The following GLIS3 variants were observed in gnomAD, a reference collection of about 807,000 sequenced individuals.
GLIS3 encodes zinc finger protein GLIS3.
GLIS3 carries 53 observed loss-of-function variants against 78.6 expected under a neutral mutation model. The observed-to-expected ratio is 0.67, with a 90% CI of 0.54 to 0.85. The LOEUF is 0.85. GLIS3 is among the 40% of genes least tolerant of loss of function. The probability of loss-of-function intolerance (pLI) is 0.00; values close to 1 mark genes in which losing one functional copy is unlikely to be tolerated. For synonymous variants in GLIS3, 684 were observed against 509.9 expected (o/e 1.34, Z -4.60); for missense variants, 1,703 against 1,231.1 (o/e 1.38, Z -5.74).
At chr9:4,026,966 C>G (rs1563961966) in intron 4 of GLIS3, among the ~76,000 whole-genome samples, 1 of 152,146 alleles carries the variant, frequency 6.6e-6, no homozygotes. Context: ...CTGTCTGACA[C>G]TAAATTCCAT....
At chr9:4,340,200 C>T (rs1238739361) in intron 2 of GLIS3, among the ~76,000 whole-genome samples, 1 of 150,618 alleles carries the variant, frequency 6.6e-6, no homozygotes, top group Admixed American at 6.6e-5. Context: ...TTAATTACCA[C>T]AGGGGAACAG....
At chr9:4,198,770 C>T (rs1347991141) in intron 2 of GLIS3, among the ~76,000 whole-genome samples, 2 of 152,058 alleles carry the variant, frequency 1.3e-5, no homozygotes, top group African/African-American at 2.4e-5. Flanking sequence ...ACCAGACTGT[C>T]CAAGGTCAAT....
chr9:4,366,786 A>G, the GLIS3 span, among the ~76,000 whole-genome samples: 3 of 152,172 alleles, frequency 2.0e-5, no homozygotes, highest in Admixed American at 2.0e-4. Context: ...GAATTTACCA[A>G]CCACCAACTG....
intron 4 of GLIS3, among the ~76,000 whole-genome samples, chr9:4,059,825 T>A (rs1200146965): frequency 3.0e-3 from 361 of 120,246 alleles, no homozygotes; most frequent in African/African-American, 0.011. Context: ...TGTGTGTGTG[T>A]GTGTGAGAGA....
At chr9:4,124,095 C>A (rs1005004194) in intron 3 of GLIS3, among the ~76,000 whole-genome samples, 1 of 152,062 alleles carries the variant, frequency 6.6e-6, no homozygotes, top group Non-Finnish European at 1.5e-5. Context: ...AATACACAAA[C>A]CAAGGCTCAC....
intron 3 of GLIS3, among the ~76,000 whole-genome samples, chr9:4,120,623 C>A (rs1038861461): frequency 6.6e-6 from 1 of 152,180 alleles, no homozygotes; most frequent in African/African-American, 2.4e-5. Flanking sequence ...TGCTTTCGGA[C>A]CCAAACTAAA....
At chr9:3,894,698 T>C (rs767762958) in intron 7 of GLIS3, among the ~76,000 whole-genome samples, 12 of 133,136 alleles carry the variant, frequency 9.0e-5, no homozygotes, top group Admixed American at 4.2e-4. Flanking sequence ...CATTTCCCTA[T>C]ATTATCTGAA....
At chr9:3,990,435 A>G (rs1820132970) in intron 4 of GLIS3, among the ~76,000 whole-genome samples, 1 of 152,206 alleles carries the variant, frequency 6.6e-6, no homozygotes, top group Non-Finnish European at 1.5e-5. Context: ...TCCTTGGCTC[A>G]TGATGGAAAG....
Position 4,337,847 on chromosome 9 carries a change from ACT to A in GLIS3, n.264+9232_264+9233del, listed in dbSNP as rs1298661855. ...TGTTGTATCATTTAATCCTCACAAA[ACT>A]CTATGAGGCAACTATTACCCCCATT... On this transcript the variant is annotated intron_variant and non_coding_transcript_variant, in intron 2 of 4. Coordinates refer to the GLIS3 transcript ENST00000471664. 9.2e-5 allele frequency among the ~76,000 whole-genome samples: 14 copies of A among 152,058 alleles called. No individual in the cohort carries two copies. In the East Asian group the frequency reaches 2.3e-3, roughly 25 times the overall value.
chr9:4,146,085 T>C (rs1169325433), intron 2 of GLIS3, among the ~76,000 whole-genome samples: 1 of 152,228 alleles, frequency 6.6e-6, no homozygotes, highest in Non-Finnish European at 1.5e-5. Flanking sequence ...GTTCTAAAGA[T>C]ACTTTTTAAT....
At chr9:4,117,442 T>C (rs1487526861) in intron 4 of GLIS3, among the ~76,000 whole-genome samples, 1 of 152,248 alleles carries the variant, frequency 6.6e-6, no homozygotes, top group Non-Finnish European at 1.5e-5. Flanking sequence ...GCAATCTGTG[T>C]CCTTCTGCTC....
At chr9:3,893,809 C>A (rs928641088) in intron 7 of GLIS3, among the ~76,000 whole-genome samples, 4 of 152,330 alleles carry the variant, frequency 2.6e-5, no homozygotes, top group African/African-American at 9.6e-5. Flanking sequence ...GAATCAGAAA[C>A]GCTGGGGGTA....
chr9:4,420,770 T>C, the GLIS3 span, among the ~76,000 whole-genome samples: 1 of 152,146 alleles, frequency 6.6e-6, no homozygotes, highest in East Asian at 1.9e-4. Context: ...TGATATTACA[T>C]AGGTTGAGTA....
At chr9:4,192,099 T>C (rs1204815944) in intron 2 of GLIS3, among the ~76,000 whole-genome samples, 1 of 152,178 alleles carries the variant, frequency 6.6e-6, no homozygotes, top group Admixed American at 6.5e-5. Context: ...AAGAAAACGA[T>C]AATTTCTGAA....
At chr9:4,411,156 T>C in the GLIS3 span, among the ~76,000 whole-genome samples, 1 of 152,168 alleles carries the variant, frequency 6.6e-6, no homozygotes, top group African/African-American at 2.4e-5. Flanking sequence ...TCCTCTTGAA[T>C]TTTCGGCCTA....
At chr9:4,162,100 C>T (rs1454384886) in intron 2 of GLIS3, among the ~76,000 whole-genome samples, 1 of 152,060 alleles carries the variant, frequency 6.6e-6, no homozygotes, top group African/African-American at 2.4e-5. Flanking sequence ...GCAACACTGA[C>T]CATCCCTCAG....
At chr9:4,474,985 ATTTT>A in the GLIS3 span, among the ~76,000 whole-genome samples, 1 of 114,490 alleles carries the variant, frequency 8.7e-6, no homozygotes, top group Non-Finnish European at 1.7e-5. Flanking sequence ...GACTATGTTA[ATTTT>A]TTTTTCTTTT....
rs183873360 is a variant in GLIS3 at position 3,950,860 on chromosome 9, C to T, written c.1711-13671G>A. 2.5e-4 allele frequency among the ~76,000 whole-genome samples: 38 copies of T among 152,278 alleles called. No homozygotes were observed. The East Asian group carries it at 5.8e-3, about 23-fold the overall frequency. On this transcript the variant is annotated intron_variant, in intron 4 of 10. Transcript: ENST00000381971. ...TATTAAAATGCTTTCTTCCTCTCTT[C>T]TCCTCCCTCCCTCGCTTTCTTTCTC... is the stretch of plus-strand genomic sequence containing the variant.
At chr9:3,875,330 G>T (rs1821242919) in intron 8 of GLIS3, among the ~76,000 whole-genome samples, 1 of 152,190 alleles carries the variant, frequency 6.6e-6, no homozygotes, top group African/African-American at 2.4e-5. Context: ...TAGATTGAGA[G>T]AACTTGCATT....
Sources: allele counts gnomAD v4.1 joint callset (sites outside exome capture counted in the v4.1 genomes callset), GRCh38; gene constraint gnomAD v4.1.1; transcripts MANE v1.5; gene names NCBI Gene and HGNC (gene_info 2026-07-23, HGNC 2026-07-21).